TMEM177: variants seen among roughly 807,000 people sequenced by gnomAD.
TMEM177 encodes the protein transmembrane protein 177.
In TMEM177, 4 loss-of-function variants were observed where a neutral mutation model predicts 14.2. That is an observed-to-expected ratio of 0.28 (90% CI 0.14 to 0.64). The LOEUF (loss-of-function observed/expected upper bound fraction) is 0.64. TMEM177 is among the 30% of genes least tolerant of loss of function. The pLI is 0.82. For missense variants in TMEM177, 344 were observed against 405.2 expected (o/e 0.85, Z 1.30); for synonymous variants, 179 against 174.5 (o/e 1.03, Z -0.20).
chr2:119,692,811 A>T, the TMEM177 span, among the ~76,000 whole-genome samples: 1 of 151,998 alleles, frequency 6.6e-6, no homozygotes, highest in Non-Finnish European at 1.5e-5. Flanking sequence ...CATTTCTACT[A>T]AAAGTACAAA....
chr2:119,722,799 C>T, the TMEM177 span, among the ~76,000 whole-genome samples: 1 of 152,190 alleles, frequency 6.6e-6, no homozygotes, highest in Admixed American at 6.5e-5. Flanking sequence ...GTGCTTGGCA[C>T]ATGGTGGGCC....
the TMEM177 span, among the ~76,000 whole-genome samples, chr2:119,717,312 A>G: frequency 3.3e-5 from 5 of 151,838 alleles, no homozygotes; most frequent in Admixed American, 1.3e-4. Context: ...CCTGGGCAAC[A>G]GAGTATGACT....
downstream of TMEM177, among the ~76,000 whole-genome samples, chr2:119,687,211 A>C (rs1689029289): frequency 6.6e-6 from 1 of 152,168 alleles, no homozygotes; most frequent in Admixed American, 6.5e-5. Flanking sequence ...GCGAGGAACT[A>C]AAGGCAGCCT....
chr2:119,684,772 G>A (rs1688983313), downstream of TMEM177, among the ~76,000 whole-genome samples: 1 of 152,160 alleles, frequency 6.6e-6, no homozygotes, highest in African/African-American at 2.4e-5. Flanking sequence ...TGACATCAGT[G>A]GGGAAATCAG....
chr2:119,685,124 C>T (rs1558690282), downstream of TMEM177, among the ~76,000 whole-genome samples: 1 of 151,996 alleles, frequency 6.6e-6, no homozygotes, highest in Non-Finnish European at 1.5e-5. Flanking sequence ...GCAAGGATGC[C>T]CGACATCCCA....
chr2:119,693,955 G>A, the TMEM177 span, among the ~76,000 whole-genome samples: 7 of 2,440 alleles, frequency 2.9e-3, no homozygotes, highest in Admixed American at 0.013. Flanking sequence ...ACACACACAT[G>A]CAACATACCA....
At chr2:119,694,574 G>C in the TMEM177 span, among the ~76,000 whole-genome samples, 1 of 152,234 alleles carries the variant, frequency 6.6e-6, no homozygotes, top group African/African-American at 2.4e-5. Context: ...TGTTGGCCGG[G>C]CACTGTCCCC....
downstream of TMEM177, among the ~76,000 whole-genome samples, chr2:119,684,979 C>T (rs1216062219): frequency 6.6e-6 from 1 of 152,178 alleles, no homozygotes; most frequent in Admixed American, 6.5e-5. Flanking sequence ...TGTCACCCTG[C>T]ACTTTTCCTT....
chr2:119,682,581 G>T (rs1264854905), downstream of TMEM177, among the ~76,000 whole-genome samples: 2 of 152,134 alleles, frequency 1.3e-5, no homozygotes, highest in East Asian at 3.9e-4. Flanking sequence ...ACCAGCACGT[G>T]CCAGGAGAGT....
the TMEM177 span, among the ~76,000 whole-genome samples, chr2:119,717,386 A>G: frequency 6.6e-6 from 1 of 152,164 alleles, no homozygotes; most frequent in Admixed American, 6.5e-5. Context: ...AGTCTGAGAC[A>G]GTGGCAGGGC....
At chr2:119,694,618 G>A in the TMEM177 span, among the ~76,000 whole-genome samples, 1 of 152,232 alleles carries the variant, frequency 6.6e-6, no homozygotes. Context: ...GGTAGGTGTG[G>A]CCACATGACT....
chr2:119,698,046 T>A, the TMEM177 span, among the ~76,000 whole-genome samples: 1 of 152,030 alleles, frequency 6.6e-6, no homozygotes, highest in Non-Finnish European at 1.5e-5. Flanking sequence ...TCCTCTGAGC[T>A]CCAGGGGAGG....
At chr2:119,696,042 A>T in the TMEM177 span, among the ~76,000 whole-genome samples, 160 of 152,190 alleles carry the variant, frequency 1.1e-3, 4 homozygotes, top group Non-Finnish European at 2.6e-4. Flanking sequence ...CTCAGACCTC[A>T]GGGGTGAGCC....
chr2:119,704,875 C>A, the TMEM177 span, among the ~76,000 whole-genome samples: 7 of 152,130 alleles, frequency 4.6e-5, no homozygotes, highest in African/African-American at 1.7e-4. Context: ...TTGATAGAGT[C>A]AACATATGGA....
chr2:119,684,609 C>G (rs1688981166), downstream of TMEM177, among the ~76,000 whole-genome samples: 1 of 152,190 alleles, frequency 6.6e-6, no homozygotes, highest in Non-Finnish European at 1.5e-5. Flanking sequence ...CTATAACAGA[C>G]ACAGCCCCAG....
chr2:119,703,500 AG>A, the TMEM177 span, among the ~76,000 whole-genome samples: 3 of 152,380 alleles, frequency 2.0e-5, 1 homozygote, highest in South Asian at 6.2e-4. Flanking sequence ...AATAACTTGT[AG>A]TCCCACCGTA....
chr2:119,705,274 G>A, the TMEM177 span, among the ~76,000 whole-genome samples: 1 of 152,270 alleles, frequency 6.6e-6, no homozygotes, highest in Non-Finnish European at 1.5e-5. Context: ...CAGCCTAGCT[G>A]GGTCCTCGGC....
At chr2:119,685,691 G>C (rs1251000975), downstream of TMEM177, 4 of 717,928 alleles carry the variant, frequency 5.6e-6, no homozygotes, top group Admixed American at 8.0e-5. Flanking sequence ...GAAGAAATTT[G>C]CCCTAAATCA....
chr2:119,709,366 C>A, the TMEM177 span, among the ~76,000 whole-genome samples: 1 of 152,188 alleles, frequency 6.6e-6, no homozygotes, highest in East Asian at 1.9e-4. Flanking sequence ...AATATTTGGT[C>A]CATTAGGGAT....
Sources: gnomAD v4.1 joint callset for allele counts (sites outside exome capture counted in the v4.1 genomes callset) on GRCh38, gnomAD v4.1.1 for gene constraint, MANE v1.5 for transcripts, NCBI Gene and HGNC (gene_info 2026-07-23, HGNC 2026-07-21) for gene names.